LAMB4: variants seen among roughly 807,000 people sequenced by gnomAD.
LAMB4 encodes laminin subunit beta 4, also known as laminin subunit beta-4.
Under a neutral mutation model 199.2 loss-of-function variants are expected in LAMB4, and 196 were observed. That is an observed-to-expected ratio of 0.98 (90% CI 0.88 to 1.11). LAMB4 has a LOEUF of 1.11. Among genes scored for constraint, LAMB4 ranks in the 50% least tolerant of loss-of-function variants. LAMB4 has a pLI of 0.00. For synonymous variants in LAMB4, 744 were observed against 770.6 expected, an observed-to-expected ratio of 0.97 and a Z score of 0.57; for missense variants, 2,080 against 2,171.2, an observed-to-expected ratio of 0.96 and a Z score of 0.83.
In LAMB4 at chr7:108,049,532, C is replaced by T. The variant is rs143903787; in HGVS notation, c.3917-1G>A. The T allele has an allele frequency of 4.1e-5, 64 of 1,569,512 alleles. No individual in the cohort carries two copies. Among genetic ancestry groups the T allele is most frequent in the Non-Finnish European group, 5.4e-5 (62 of 1,152,048 alleles). ...TATTTCTTGATGTTTTCTGAGGAGTCTACGTCAATGCAAATTGAAGTAAGG... is the reference window on the plus strand; with the variant it reads ...TATTTCTTGATGTTTTCTGAGGAGTTTACGTCAATGCAAATTGAAGTAAGG... On this transcript the variant is annotated splice_acceptor_variant, in intron 26 of 33. Transcript: ENST00000388781. LOFTEE classifies it high-confidence loss of function.
intron 24 of LAMB4, among the ~76,000 whole-genome samples, chr7:108,056,272 G>A (rs1045356890): frequency 6.6e-6 from 1 of 152,180 alleles, no homozygotes; most frequent in African/African-American, 2.4e-5. Flanking sequence ...GCATCTACAA[G>A]TGGGATCCTC....
intron 6 of LAMB4, among the ~76,000 whole-genome samples, chr7:108,107,366 C>T (rs993369493): frequency 2.0e-5 from 3 of 152,150 alleles, no homozygotes; most frequent in Non-Finnish European, 4.4e-5. Context: ...ATGGGTGTTC[C>T]TTCTTCTGGG....
In LAMB4 at chr7:108,064,060, A is replaced by G. The variant is rs947208324; in HGVS notation, c.2837-75T>C. Reference sequence around the variant, plus strand: ...AGAGAGGAGGAGATGGATGTTGTAAATAGAAAATTATTGGGCTCCTCTAGG... The same window carrying G: ...AGAGAGGAGGAGATGGATGTTGTAAGTAGAAAATTATTGGGCTCCTCTAGG... On this transcript the variant is annotated intron_variant, in intron 21 of 33. Transcript: ENST00000388781. 10 of 1,045,234 alleles carry G rather than the reference A, an allele frequency of 9.6e-6. No homozygotes were observed. In the Admixed American group the frequency reaches 1.6e-4, roughly 17 times the overall value. 64.7% of individuals were successfully genotyped at this position (1,045,234 alleles called of 1,614,324 possible).
At chr7:108,063,327 T>G (rs188517501) in intron 22 of LAMB4, among the ~76,000 whole-genome samples, 1 of 152,256 alleles carries the variant, frequency 6.6e-6, no homozygotes, top group African/African-American at 2.4e-5. Flanking sequence ...CACATTACAG[T>G]CACATGATGA....
At chr7:108,076,541 A>T (rs1408501230) in intron 17 of LAMB4, among the ~76,000 whole-genome samples, 1 of 152,178 alleles carries the variant, frequency 6.6e-6, no homozygotes, top group Non-Finnish European at 1.5e-5. Context: ...ATAATGATTA[A>T]TGTGGTTGGA....
chr7:108,035,339 G>C (rs902856843), intron 30 of LAMB4, among the ~76,000 whole-genome samples: 2 of 151,954 alleles, frequency 1.3e-5, no homozygotes, highest in African/African-American at 4.8e-5. Context: ...TCAGGAGTTC[G>C]AGACCAGCCT....
At chr7:108,046,813 G>C (rs2035642850) in intron 28 of LAMB4, among the ~76,000 whole-genome samples, 1 of 151,590 alleles carries the variant, frequency 6.6e-6, no homozygotes, top group Non-Finnish European at 1.5e-5. Flanking sequence ...TATTTAGTAG[G>C]TTTTCAAATA....
chr7:108,081,870 T>A (rs542431635), intron 14 of LAMB4, among the ~76,000 whole-genome samples: 1 of 152,344 alleles, frequency 6.6e-6, no homozygotes, highest in African/African-American at 2.4e-5. Context: ...TGTTGTTGAA[T>A]GTCTTTGATG....
rs1584732386 is a variant in LAMB4 at position 108,091,606 on chromosome 7, A to T, written c.1701+20T>A. 8 of 1,609,210 alleles carry T rather than the reference A, an allele frequency of 5.0e-6. No individual in the cohort carries two copies. Among genetic ancestry groups the T allele is most frequent in the Middle Eastern group, 1.7e-4 (1 of 6,022 alleles). Reference sequence around the variant, plus strand: ...ATATCATCAAACACAGTCTGTAGGGAAAGTAAATGAAATACGAACCAAAGG... The same window carrying T: ...ATATCATCAAACACAGTCTGTAGGGTAAGTAAATGAAATACGAACCAAAGG... On this transcript the variant is annotated intron_variant, in intron 14 of 33. Coordinates refer to ENST00000388781, the MANE Select transcript of LAMB4 (RefSeq NM_007356.3).
At chr7:108,012,715 G>A in the LAMB4 span, among the ~76,000 whole-genome samples, 1 of 152,196 alleles carries the variant, frequency 6.6e-6, no homozygotes, top group Non-Finnish European at 1.5e-5. Flanking sequence ...GCCTTAGTCA[G>A]CATATAGGCT....
At chr7:108,127,483 T>G (rs1335543184) in intron 1 of LAMB4, among the ~76,000 whole-genome samples, 1 of 152,168 alleles carries the variant, frequency 6.6e-6, no homozygotes. Context: ...ATGGACTTAA[T>G]AAGATAACCA....
chr7:108,091,376 A>G (rs1473205293), intron 14 of LAMB4, among the ~76,000 whole-genome samples: 3 of 152,120 alleles, frequency 2.0e-5, no homozygotes, highest in Non-Finnish European at 4.4e-5. Flanking sequence ...GTTTCATCAT[A>G]ATTTGATCCG....
rs914669069 is a variant in LAMB4 at position 108,066,667 on chromosome 7, G to A, written c.2447-67C>T. 6.8e-6 allele frequency: 7 copies of A among 1,030,684 alleles called. No individual in the cohort carries two copies. The African/African-American group carries it at 7.9e-5, about 12-fold the overall frequency. 63.8% of individuals were successfully genotyped at this position (1,030,684 alleles called of 1,614,324 possible). On this transcript the variant is annotated intron_variant, in intron 19 of 33. Transcript: ENST00000388781. ...GGTGTGTGGTGGTGAAAGAGTTACAGTTCTGGTGTCTCATTTCCTTTCCCA... is the reference window on the plus strand; with the variant it reads ...GGTGTGTGGTGGTGAAAGAGTTACAATTCTGGTGTCTCATTTCCTTTCCCA...
chr7:108,091,861 T>C, intron 13 of LAMB4, 85 bp from the exon 14 acceptor site: 1 of 1,343,782 alleles, frequency 7.4e-7, no homozygotes, highest in Non-Finnish European at 1.0e-6. Context: ...TAATGCTCCC[T>C]GAGTTTGGAG....
At chr7:108,098,733 G>C (rs2037719377) in intron 10 of LAMB4, 151 bp from the exon 11 acceptor site, 1 of 613,656 alleles carries the variant, frequency 1.6e-6, no homozygotes. Context: ...GAGCTATTCA[G>C]AAATGTCTCC....
At position 108,053,382 on chromosome 7, in the gene LAMB4, A is replaced by T. The variant is rs536996128; in HGVS notation, c.3756-1125T>A. Among the ~76,000 whole-genome samples the T allele has an allele frequency of 1.2e-3, 181 of 152,070 alleles. 1 individual carries two copies. The highest frequency in any genetic ancestry group is 3.4e-3 in the Middle Eastern group (1 of 294). On this transcript the variant is annotated intron_variant, in intron 25 of 33. Transcript: ENST00000388781. ...TTCCACCTGTAGTTTACCCAGCAAC[A>T]TTTTTTTTAATAGAACTACATGAGG... is the stretch of plus-strand genomic sequence containing the variant.
At chr7:108,121,048 C>T (rs2038581032) in intron 2 of LAMB4, among the ~76,000 whole-genome samples, 1 of 152,168 alleles carries the variant, frequency 6.6e-6, no homozygotes, top group Admixed American at 6.5e-5. Flanking sequence ...AAGCAATATC[C>T]TTCCTGGGAT....
At chr7:108,055,006 A>G (rs1278140804) in intron 25 of LAMB4, among the ~76,000 whole-genome samples, 1 of 152,236 alleles carries the variant, frequency 6.6e-6, no homozygotes, top group Admixed American at 6.5e-5. Flanking sequence ...CCCTAGGTGT[A>G]TCATTGAAAA....
intron 1 of LAMB4, among the ~76,000 whole-genome samples, chr7:108,128,957 T>C (rs1231097134): frequency 6.6e-6 from 1 of 152,234 alleles, no homozygotes; most frequent in East Asian, 1.9e-4. Flanking sequence ...TGCATTTTGG[T>C]AGCCGTTTAA....
Sources: gnomAD v4.1 joint callset for allele counts (sites outside exome capture counted in the v4.1 genomes callset) on GRCh38, gnomAD v4.1.1 for gene constraint, MANE v1.5 for transcripts, NCBI Gene and HGNC (gene_info 2026-07-23, HGNC 2026-07-21) for gene names.